Variants in PCDHA4 observed in about 807,000 individuals in gnomAD.
The protein encoded by PCDHA4 is protocadherin alpha 4, also known as protocadherin alpha-4.
A neutral mutation model predicts 61.4 loss-of-function variants in PCDHA4; 49 were observed. The observed-to-expected ratio is 0.80, with a 90% confidence interval of 0.63 to 1.01. The LOEUF is 1.01. Ranked by LOEUF, PCDHA4 falls within the 50% of genes least tolerant of loss-of-function variation. PCDHA4 has a pLI of 0.00. For synonymous variants in PCDHA4, 590 were observed against 550.3 expected, an observed-to-expected ratio of 1.07 and a Z score of -1.01; for missense variants, 1,254 against 1,235.8, an observed-to-expected ratio of 1.01 and a Z score of -0.22.
intron 1 of PCDHA4, among the ~76,000 whole-genome samples, chr5:140,887,688 G>GA (rs1453843716): frequency 4.2e-4 from 64 of 151,926 alleles, no homozygotes; most frequent in Middle Eastern, 3.2e-3. Context: ...TCAAATTCAG[G>GA]AAAAAATCAA....
chr5:140,952,566 G>A (rs1198943972), intron 1 of PCDHA4, among the ~76,000 whole-genome samples: 1 of 151,938 alleles, frequency 6.6e-6, no homozygotes, highest in African/African-American at 2.4e-5. Flanking sequence ...TCAGCACTTC[G>A]GTCCCAATCA....
At chr5:140,833,481 C>T (rs968356288) in intron 1 of PCDHA4, among the ~76,000 whole-genome samples, 1 of 152,024 alleles carries the variant, frequency 6.6e-6, no homozygotes, top group South Asian at 2.1e-4. Flanking sequence ...AGAAATAATA[C>T]AAATCATATT....
intron 3 of PCDHA4, among the ~76,000 whole-genome samples, chr5:141,008,972 C>T (rs1554261973): frequency 6.6e-6 from 1 of 152,148 alleles, no homozygotes; most frequent in African/African-American, 2.4e-5. Context: ...CATTTATAGC[C>T]AAAGTTTAAT....
At chr5:140,928,061 C>T (rs2084900711) in intron 1 of PCDHA4, 1 of 1,614,192 alleles carries the variant, frequency 6.2e-7, no homozygotes, top group African/African-American at 1.3e-5. Flanking sequence ...CTGACGGCTT[C>T]CTTTGACAAC....
chr5:140,980,057 C>T (rs559895684), intron 2 of PCDHA4, among the ~76,000 whole-genome samples: 2 of 152,272 alleles, frequency 1.3e-5, no homozygotes, highest in East Asian at 3.9e-4. Context: ...GATTCAGAAG[C>T]AATCAGTGAA....
intron 1 of PCDHA4, among the ~76,000 whole-genome samples, chr5:140,907,450 T>C (rs1235040607): frequency 1.1e-4 from 17 of 152,218 alleles, no homozygotes; most frequent in Non-Finnish European, 2.5e-4. Context: ...CAGATGGTAA[T>C]CTTGGCAGAA....
chr5:140,807,137 C>T lies in PCDHA4; in HGVS notation c.-51C>T. On this transcript the variant is annotated 5_prime_UTR_variant, in exon 1 of 4. Transcript: ENST00000530339. ...TTGACTGACCGATTAAAAGATTTCCCTTGACTTTGAGAAACGATATTTAAT... is the reference window on the plus strand; with the variant it reads ...TTGACTGACCGATTAAAAGATTTCCTTTGACTTTGAGAAACGATATTTAAT... 1 of 1,567,282 alleles carries T rather than the reference C, an allele frequency of 6.4e-7. No individual in the cohort carries two copies. Among genetic ancestry groups the T allele is most frequent in the Admixed American group, 1.8e-5 (1 of 55,690 alleles).
intron 1 of PCDHA4, chr5:140,877,444 G>A (rs782552942): frequency 6.2e-7 from 1 of 1,613,864 alleles, no homozygotes; most frequent in South Asian, 1.1e-5. Context: ...CGGTGAGCCC[G>A]CGCTGACGTC....
rs2098417673 is a variant in PCDHA4, at chr5:141,010,569, T to C, written c.*632T>C. ...AAAACTACCCCCACTGACAAGGCTT[T>C]AGGAGACCCTAAAGTCTGTTGGCTG... On this transcript the variant is annotated 3_prime_UTR_variant, in exon 4 of 4. Transcript: ENST00000530339. 1.4e-5 allele frequency: 4 copies of C among 283,140 alleles called. No individual in the cohort carries two copies. The South Asian group carries it at 2.4e-4, about 17-fold the overall frequency. The allele number at this position is 283,140 out of a possible 1,614,324, so 17.5% of individuals were successfully genotyped here.
chr5:140,841,274 C>T (rs1554138057), intron 1 of PCDHA4: 4 of 1,518,268 alleles, frequency 2.6e-6, no homozygotes. Context: ...TACAGTCGTT[C>T]ATCTTTATAT....
intron 2 of PCDHA4, among the ~76,000 whole-genome samples, chr5:140,982,084 A>G (rs2096965344): frequency 6.6e-6 from 1 of 152,266 alleles, no homozygotes; most frequent in East Asian, 1.9e-4. Flanking sequence ...TAGAGAACCT[A>G]GGAACAAGAG....
chr5:140,918,175 CT>C (rs1429626043), intron 1 of PCDHA4, among the ~76,000 whole-genome samples: 2 of 152,076 alleles, frequency 1.3e-5, no homozygotes, highest in Non-Finnish European at 2.9e-5. Context: ...GCATTGTGTT[CT>C]TGATTTGGCC....
chr5:140,947,131 G>A (rs994081159), intron 1 of PCDHA4, among the ~76,000 whole-genome samples: 10 of 151,080 alleles, frequency 6.6e-5, no homozygotes, highest in African/African-American at 2.2e-4. Context: ...AATAAAAATA[G>A]TAAAATGTAT....
At chr5:140,862,594 A>T (rs2047439169) in intron 1 of PCDHA4, 2 of 509,414 alleles carry the variant, frequency 3.9e-6, no homozygotes, top group Non-Finnish European at 8.0e-6. Context: ...GCCCGAGTAC[A>T]TGGTGTTCGT....
chr5:140,871,328 G>T (rs374687707), intron 1 of PCDHA4: 4 of 1,614,128 alleles, frequency 2.5e-6, no homozygotes, highest in African/African-American at 1.3e-5. Context: ...GTGTGCTCCC[G>T]CGCGGTGGGG....
chr5:140,813,571 G>C (rs1008971816), intron 1 of PCDHA4: 1 of 152,176 alleles, frequency 6.6e-6, no homozygotes. Context: ...TGGAGACTGC[G>C]GGGCTGGAAA....
At chr5:140,988,501 A>G (rs966150033) in intron 3 of PCDHA4, among the ~76,000 whole-genome samples, 3 of 152,164 alleles carry the variant, frequency 2.0e-5, no homozygotes, top group Non-Finnish European at 2.9e-5. Context: ...AGGAGAAGCC[A>G]TGAAGCTTAC....
At chr5:140,928,856 T>G (rs540865490) in intron 1 of PCDHA4, 1 of 1,614,218 alleles carries the variant, frequency 6.2e-7, no homozygotes, top group African/African-American at 1.3e-5. Context: ...CTGGGTGTGC[T>G]GTTGAGCAAC....
intron 1 of PCDHA4, among the ~76,000 whole-genome samples, chr5:140,827,804 G>C (rs1554130889): frequency 6.6e-6 from 1 of 152,206 alleles, no homozygotes; most frequent in East Asian, 1.9e-4. Flanking sequence ...AATTACAAAC[G>C]TGAGGAGGGT....
Sources: gnomAD v4.1 joint callset for allele counts (sites outside exome capture counted in the v4.1 genomes callset) on GRCh38, gnomAD v4.1.1 for gene constraint, MANE v1.5 for transcripts, NCBI Gene and HGNC (gene_info 2026-07-23, HGNC 2026-07-21) for gene names.